Variants in FBN1 observed in about 807,000 individuals in gnomAD.
FBN1 encodes fibrillin 1.
FBN1 carries 29 observed loss-of-function variants against 365.1 expected under a neutral mutation model. That is an observed-to-expected ratio of 0.08 (90% CI 0.06 to 0.11). The LOEUF is 0.11. FBN1 is among the 10% of genes least tolerant of loss of function. The pLI, the probability that FBN1 is intolerant of heterozygous loss-of-function variation, is 1.00. For synonymous variants in FBN1, 1,210 were observed against 1,270.5 expected (o/e 0.95, Z 1.01); for missense variants, 2,476 against 3,703.2 (o/e 0.67, Z 8.60).
chr15:48,574,568 A>T (rs1566930075), intron 6 of FBN1, among the ~76,000 whole-genome samples: 3 of 151,996 alleles, frequency 2.0e-5, no homozygotes, highest in African/African-American at 7.2e-5. Context: ...GCCCATTCAA[A>T]AAAAAAAAAA....
At chr15:48,459,924 C>T (rs2043268160) in intron 43 of FBN1, among the ~76,000 whole-genome samples, 1 of 152,206 alleles carries the variant, frequency 6.6e-6, no homozygotes, top group Non-Finnish European at 1.5e-5. Flanking sequence ...TTGAGAATTA[C>T]AGTTAAATCA....
intron 5 of FBN1, among the ~76,000 whole-genome samples, chr15:48,597,832 A>G (rs2044527563): frequency 6.6e-6 from 1 of 152,198 alleles, no homozygotes; most frequent in South Asian, 2.1e-4. Flanking sequence ...GCCTAAGCCA[A>G]CCCTCCCAGA....
intron 63 of FBN1, 25 bp from the exon 64 acceptor site, chr15:48,415,792 T>C (rs1404630471): frequency 1.9e-6 from 3 of 1,582,226 alleles, no homozygotes; most frequent in South Asian, 2.2e-5. Flanking sequence ...AGAAGCGGCA[T>C]GTGTGGCAGC....
chr15:48,639,946 A>G (rs1890169410), intron 2 of FBN1, among the ~76,000 whole-genome samples: 1 of 152,272 alleles, frequency 6.6e-6, no homozygotes, highest in Non-Finnish European at 1.5e-5. Context: ...TTACTGGAAG[A>G]AAAAGCCAAC....
Position 48,485,603 on chromosome 15 carries a change from G to C in FBN1, c.3590-107C>G, listed in dbSNP as rs1597561667. 7.1e-6 allele frequency: 9 copies of C among 1,267,932 alleles called. No individual in the cohort carries two copies. In the East Asian group the frequency reaches 1.9e-4, roughly 27 times the overall value. 78.5% of individuals were successfully genotyped at this position (1,267,932 alleles called of 1,614,324 possible). ...CCATTGTAACACTATTTAAGAGGCA[G>C]GGCCTTTAAAAGAGGTAATCATCCT... On this transcript the variant is annotated intron_variant, in intron 29 of 65. Transcript: ENST00000316623.
chr15:48,526,301 A>C (rs764704722), intron 8 of FBN1, 46 bp from the exon 9 acceptor site: 27 of 1,607,392 alleles, frequency 1.7e-5, no homozygotes, highest in Non-Finnish European at 2.3e-5. Context: ...AACACAATAT[A>C]AAACCATTCG....
At chr15:48,626,376 T>C (rs1597641611) in intron 2 of FBN1, among the ~76,000 whole-genome samples, 1 of 152,232 alleles carries the variant, frequency 6.6e-6, no homozygotes, top group Non-Finnish European at 1.5e-5. Flanking sequence ...CAATTACCCA[T>C]AAGTGGAATA....
chr15:48,608,890 A>G (rs1419329767), intron 4 of FBN1, among the ~76,000 whole-genome samples: 1 of 152,186 alleles, frequency 6.6e-6, no homozygotes, highest in African/African-American at 2.4e-5. Context: ...TTTCTACTCG[A>G]TAGAGAAGTC....
At chr15:48,497,221 T>C (rs1488971383) in intron 19 of FBN1, 45 bp downstream of exon 19, 4 of 1,613,240 alleles carry the variant, frequency 2.5e-6, no homozygotes, top group Non-Finnish European at 3.4e-6. Context: ...AAAGAAGGAA[T>C]GCATTATGCA....
chr15:48,456,904 T>C (rs921088423), intron 43 of FBN1, 142 bp from the exon 44 acceptor site: 6 of 774,786 alleles, frequency 7.7e-6, no homozygotes, highest in African/African-American at 7.2e-5. Flanking sequence ...GTGATGGCAA[T>C]AGGGACATCA....
At chr15:48,457,280 C>A (rs2043247971) in intron 43 of FBN1, among the ~76,000 whole-genome samples, 1 of 152,104 alleles carries the variant, frequency 6.6e-6, no homozygotes, top group Admixed American at 6.6e-5. Context: ...TGGGCTGGGG[C>A]TGACAATAAA....
chr15:48,473,924 A>T (rs1330564260), intron 34 of FBN1, among the ~76,000 whole-genome samples: 1 of 152,226 alleles, frequency 6.6e-6, no homozygotes, highest in East Asian at 1.9e-4. Context: ...TGTAACTATT[A>T]TAAGGCCTAG....
At position 48,463,964 on chromosome 15, in the gene FBN1, A is replaced by G; in HGVS notation, c.5000T>C (p.Val1667Ala). The part of the protein sequence containing the change: ...ICGPGTCYNT[V>A]GNYTCICPPD... Reference sequence around the variant, plus strand: ...AGGACAGATACAGGTGTAGTTGCCAACGGTGTTGTAACATGTCCCTGGACC... The same window carrying G: ...AGGACAGATACAGGTGTAGTTGCCAGCGGTGTTGTAACATGTCCCTGGACC... Residue 1667 changes from valine to alanine, a missense_variant, in exon 41 of 66, where the codon GTT becomes GCT. By Grantham distance (64) the Val-to-Ala change is moderately conservative. This residue lies in a region of FBN1 where 1,780 missense variants were observed against 2,840.8 expected (regional missense o/e 0.63). Coordinates refer to ENST00000316623, the MANE Select transcript of FBN1 (RefSeq NM_000138.5). 1 of 1,613,840 alleles carries G rather than the reference A, an allele frequency of 6.2e-7. No homozygotes were observed.
intron 47 of FBN1, 26 bp downstream of exon 47, chr15:48,446,680 G>T: frequency 7.3e-7 from 1 of 1,366,796 alleles, no homozygotes; most frequent in Non-Finnish European, 1.0e-6. Flanking sequence ...GACTTCCTTT[G>T]CTGATGCACA....
At chr15:48,585,099 T>A (rs1054770705) in intron 6 of FBN1, among the ~76,000 whole-genome samples, 1 of 152,210 alleles carries the variant, frequency 6.6e-6, no homozygotes, top group Non-Finnish European at 1.5e-5. Context: ...CTAATGTATG[T>A]TTATAAAAAC....
chr15:48,527,127 C>T (rs2043921738), intron 8 of FBN1, among the ~76,000 whole-genome samples: 1 of 152,234 alleles, frequency 6.6e-6, no homozygotes, highest in African/African-American at 2.4e-5. Context: ...TCTGCACGCT[C>T]TTGCCTCTTC....
chr15:48,619,937 G>A (rs772122485), intron 2 of FBN1, among the ~76,000 whole-genome samples: 12 of 151,160 alleles, frequency 7.9e-5, no homozygotes, highest in African/African-American at 2.4e-4. Context: ...TACATGCTTC[G>A]ACCTATATGA....
rs2042936107 is a variant in FBN1, at chr15:48,420,895, A to G, written c.7700-89T>C. 3.5e-6 allele frequency: 5 copies of G among 1,432,538 alleles called. No individual in the cohort carries two copies. In the East Asian group the frequency reaches 1.1e-4, roughly 33 times the overall value. The allele number at this position is 1,432,538 out of a possible 1,614,324, so 88.7% of individuals were successfully genotyped here. A position where few individuals can be genotyped will look rare whatever the true frequency, so the allele number is the denominator to read the frequency against. On this transcript the variant is annotated intron_variant, in intron 62 of 65. Transcript: ENST00000316623. ...CTAATAAGAAATCTGGCCCCTACACATCCTACACATTATTCTACCACCAAA... is the reference window on the plus strand; with the variant it reads ...CTAATAAGAAATCTGGCCCCTACACGTCCTACACATTATTCTACCACCAAA...
At chr15:48,570,037 C>A (rs953330559) in intron 6 of FBN1, among the ~76,000 whole-genome samples, 1 of 151,988 alleles carries the variant, frequency 6.6e-6, no homozygotes, top group African/African-American at 2.4e-5. Context: ...AAAAGATGCA[C>A]ACGTTGTCAA....
Sources: allele counts gnomAD v4.1 joint callset (sites outside exome capture counted in the v4.1 genomes callset), GRCh38; gene constraint gnomAD v4.1.1; regional missense constraint gnomAD v4.1.1; transcripts MANE v1.5; gene names NCBI Gene and HGNC (gene_info 2026-07-23, HGNC 2026-07-21).